Variants in DNAI4 observed in about 807,000 individuals in gnomAD.
DNAI4 encodes the protein dynein axonemal intermediate chain 4.
In DNAI4, 85 loss-of-function variants were observed where a neutral mutation model predicts 105.8. The ratio of observed to expected loss-of-function variants is 0.80; its 90% CI spans 0.67 to 0.96. The LOEUF is 0.96. Ranked by LOEUF, DNAI4 falls within the 40% of genes least tolerant of loss-of-function variation. The probability of loss-of-function intolerance (pLI) is 0.00; values close to 1 mark genes in which losing one functional copy is unlikely to be tolerated. For missense variants in DNAI4, 1,014 were observed against 1,005.6 expected, an observed-to-expected ratio of 1.01 and a Z score of -0.11; for synonymous variants, 352 against 331.5, an observed-to-expected ratio of 1.06 and a Z score of -0.67.
intron 5 of DNAI4, 116 bp from the exon 6 acceptor site, chr1:66,871,625 G>A (rs1646848874): frequency 9.4e-7 from 1 of 1,062,174 alleles, no homozygotes; most frequent in East Asian, 2.5e-5. Flanking sequence ...GCACCAAAAA[G>A]TGAAGTGAGA....
At chr1:66,877,224 T>A (rs964333258) in intron 4 of DNAI4, among the ~76,000 whole-genome samples, 1 of 152,198 alleles carries the variant, frequency 6.6e-6, no homozygotes, top group Non-Finnish European at 1.5e-5. Flanking sequence ...TTATTCTTCC[T>A]CCCTTCTCCT....
At chr1:66,885,965 C>T (rs901153724) in intron 4 of DNAI4, among the ~76,000 whole-genome samples, 3 of 152,208 alleles carry the variant, frequency 2.0e-5, no homozygotes, top group African/African-American at 2.4e-5. Flanking sequence ...ATTCTCTCTT[C>T]TGGTATTCCA....
chr1:66,813,623 C>A lies in DNAI4; in HGVS notation c.*507G>T, dbSNP rs911209133. On this transcript the variant is annotated 3_prime_UTR_variant, in exon 17 of 17. Coordinates refer to ENST00000371026, the MANE Select transcript of DNAI4 (RefSeq NM_024763.5). ...ATAGTCTAACAAAGTTCTATAGCTTCGGCTCTTAGATCTAAGAGGATAAAA... is the reference window on the plus strand; with the variant it reads ...ATAGTCTAACAAAGTTCTATAGCTTAGGCTCTTAGATCTAAGAGGATAAAA... 1 of 152,310 alleles carries A rather than the reference C, an allele frequency of 6.6e-6. No homozygotes were observed. The highest frequency in any genetic ancestry group is 1.5e-5 in the Non-Finnish European group (1 of 68,066). The allele number at this position is 152,310 out of a possible 1,614,324, so 9.4% of individuals were successfully genotyped here.
In DNAI4 at chr1:66,834,158, T is replaced by TA. The variant is rs762156706; in HGVS notation, c.1734-11dup. The TA allele has an allele frequency of 6.4e-5, 101 of 1,581,574 alleles. No individual in the cohort carries two copies. In the East Asian group the frequency reaches 1.1e-3, roughly 18 times the overall value. ...TTTTTGAGGTGATTCACTAAAACAG[T>TA]AAAAAAAATACTAAACATATAATCA... On this transcript the variant is annotated splice_polypyrimidine_tract_variant and intron_variant, in intron 11 of 16. Coordinates refer to ENST00000371026, the MANE Select transcript of DNAI4 (RefSeq NM_024763.5).
At chr1:66,865,916 G>T (rs957859540) in intron 6 of DNAI4, among the ~76,000 whole-genome samples, 2 of 152,180 alleles carry the variant, frequency 1.3e-5, no homozygotes, top group Admixed American at 1.3e-4. Flanking sequence ...AGTTTTCCCT[G>T]ACAGTATACA....
At position 66,924,812 on chromosome 1, in the gene DNAI4, G is replaced by T. The variant is rs764783975; in HGVS notation, c.20C>A (p.Ser7Tyr). 5.0e-6 allele frequency: 8 copies of T among 1,613,984 alleles called. No individual in the cohort carries two copies. The highest frequency in any genetic ancestry group is 6.8e-6 in the Non-Finnish European group (8 of 1,180,012). ...GTTAGCGGCTCGGGCCGAGGCTCCG[G>T]AATGTTTGCCGGGCGTCATGGCGAC... MTPGKH[S>Y]GASARAANGG... is the part of the protein sequence containing the mutation. The change falls in exon 1 of 17, where the codon TCC (serine) becomes TAC (tyrosine). Residue 7 changes from serine (S) to tyrosine (Y), a missense_variant. Transcript: ENST00000371026.
intron 11 of DNAI4, among the ~76,000 whole-genome samples, chr1:66,834,894 AT>A (rs1232019782): frequency 2.0e-5 from 3 of 152,150 alleles, no homozygotes; most frequent in East Asian, 3.8e-4. Context: ...ACTGCAAATA[AT>A]TTGAAAGTTA....
intron 7 of DNAI4, among the ~76,000 whole-genome samples, chr1:66,858,756 A>G (rs181336313): frequency 1.3e-5 from 2 of 152,302 alleles, no homozygotes; most frequent in East Asian, 3.9e-4. Flanking sequence ...AATTCATTGC[A>G]CATTCATGAT....
At chr1:66,918,618 T>G (rs935145345) in intron 1 of DNAI4, among the ~76,000 whole-genome samples, 1 of 152,190 alleles carries the variant, frequency 6.6e-6, no homozygotes, top group Non-Finnish European at 1.5e-5. Context: ...GGTTGTTCTT[T>G]TGTTGTTTTT....
chr1:66,814,379 T>C (rs1289081988), intron 16 of DNAI4, among the ~76,000 whole-genome samples, 199 bp from the exon 17 acceptor site: 2 of 146,068 alleles, frequency 1.4e-5, no homozygotes, highest in African/African-American at 2.8e-5. Context: ...GAAAGGCTCT[T>C]TTTTTTTTGA....
In DNAI4 at chr1:66,860,031, T is replaced by A. The variant is rs112895289; in HGVS notation, c.1096+2116A>T. 9.6e-3 allele frequency among the ~76,000 whole-genome samples: 1,453 copies of A among 152,084 alleles called. 23 individuals are homozygous for A. The highest frequency in any genetic ancestry group is 0.034 in the African/African-American group (1,405 of 41,526). The stretch of plus-strand genomic sequence containing the variant: ...AATTGTAACAAATATACCACATTAA[T>A]GCAAAATATTAATAATAGGGGCCAC... On this transcript the variant is annotated intron_variant, in intron 7 of 16. Coordinates refer to ENST00000371026, the MANE Select transcript of DNAI4 (RefSeq NM_024763.5).
At chr1:66,845,836 A>ATGTG (rs1646263223) in intron 8 of DNAI4, among the ~76,000 whole-genome samples, 1 of 113,956 alleles carries the variant, frequency 8.8e-6, no homozygotes, top group Non-Finnish European at 1.7e-5. Flanking sequence ...AATCAGAGCA[A>ATGTG]TGCGTGTGTG....
intron 4 of DNAI4, among the ~76,000 whole-genome samples, chr1:66,888,370 T>C (rs1299270257): frequency 6.6e-6 from 1 of 152,056 alleles, no homozygotes; most frequent in Non-Finnish European, 1.5e-5. Flanking sequence ...TTAGGTGTCA[T>C]TCATTTTAGA....
intron 4 of DNAI4, among the ~76,000 whole-genome samples, chr1:66,880,680 G>C (rs140008480): frequency 3.9e-4 from 60 of 152,262 alleles, no homozygotes; most frequent in African/African-American, 1.4e-3. Context: ...ATAAAAGATT[G>C]GAAAATTTAC....
chr1:66,903,092 T>C (rs2100822205), intron 2 of DNAI4, among the ~76,000 whole-genome samples: 1 of 152,316 alleles, frequency 6.6e-6, no homozygotes, highest in African/African-American at 2.4e-5. Flanking sequence ...TCACTGGGAT[T>C]TTGGAGGGAA....
At chr1:66,845,871 G>A (rs563043227) in intron 8 of DNAI4, among the ~76,000 whole-genome samples, 2 of 150,184 alleles carry the variant, frequency 1.3e-5, no homozygotes, top group South Asian at 2.1e-4. Context: ...GGGTTGGGGG[G>A]TGGGGTTAAG....
intron 1 of DNAI4, among the ~76,000 whole-genome samples, chr1:66,908,877 C>A (rs547491175): frequency 6.6e-6 from 1 of 152,304 alleles, no homozygotes; most frequent in East Asian, 1.9e-4. Flanking sequence ...TCACTCTCAG[C>A]CATCTGAATG....
intron 6 of DNAI4, among the ~76,000 whole-genome samples, chr1:66,863,569 C>G (rs943345882): frequency 6.6e-6 from 1 of 152,142 alleles, no homozygotes; most frequent in African/African-American, 2.4e-5. Context: ...AGTGATTCTC[C>G]TGCCTCAGCC....
At chr1:66,912,305 T>C (rs1323907592) in intron 1 of DNAI4, among the ~76,000 whole-genome samples, 1 of 150,116 alleles carries the variant, frequency 6.7e-6, no homozygotes, top group Admixed American at 6.6e-5. Context: ...ACCTCATGTC[T>C]ACAAAAAAAA....
Sources: gnomAD v4.1 joint callset for allele counts (sites outside exome capture counted in the v4.1 genomes callset) on GRCh38, gnomAD v4.1.1 for gene constraint, MANE v1.5 for transcripts, NCBI Gene and HGNC (gene_info 2026-07-23, HGNC 2026-07-21) for gene names.